Variants in NAV2 observed in about 807,000 individuals in gnomAD.
NAV2 encodes the protein helicase, APC down-regulated 1.
In NAV2, 54 loss-of-function variants were observed where a neutral mutation model predicts 223.2. The observed-to-expected ratio is 0.24, with a 90% CI of 0.19 to 0.30. The LOEUF is 0.30. Ranked by LOEUF, NAV2 falls within the 10% of genes least tolerant of loss-of-function variation. NAV2 has a pLI of 1.00. For synonymous variants in NAV2, 1,279 were observed against 1,239.3 expected (o/e 1.03, Z -0.67); for missense variants, 2,806 against 3,147.5 (o/e 0.89, Z 2.60).
chr11:20,045,515 A>G lies in NAV2; in HGVS notation c.3747A>G (p.Thr1249=). 6.2e-7 allele frequency: 1 copy of G among 1,614,188 alleles called. No individual in the cohort carries two copies. Among genetic ancestry groups the G allele is most frequent in the Non-Finnish European group, 8.5e-7 (1 of 1,180,022 alleles). Residue 1249 remains threonine (T), a synonymous_variant, in exon 14 of 38, where the codon ACA becomes ACG. Transcript: ENST00000349880. The stretch of plus-strand genomic sequence containing the variant: ...CTCTACCAGGTCTGGTCAACCAAAC[A>G]GACAAGGAGAAAGGCATCTCATCAG... ...GSSLPGLVNQ[T]DKEKGISSDN...
At chr11:19,420,426 G>A (rs1014536582) in intron 1 of NAV2, among the ~76,000 whole-genome samples, 14 of 152,076 alleles carry the variant, frequency 9.2e-5, no homozygotes, top group African/African-American at 2.9e-4. Flanking sequence ...TCCATTCCTA[G>A]GTACACACCC....
chr11:19,412,227 G>A (rs1395586473), intron 1 of NAV2, among the ~76,000 whole-genome samples: 3 of 152,226 alleles, frequency 2.0e-5, no homozygotes, highest in Admixed American at 1.3e-4. Context: ...GGATGCTCAA[G>A]CTTGGTGGGG....
At chr11:19,834,265 C>T (rs1047448961) in intron 2 of NAV2, among the ~76,000 whole-genome samples, 1 of 152,180 alleles carries the variant, frequency 6.6e-6, no homozygotes, top group Non-Finnish European at 1.5e-5. Context: ...AGGTGGTATT[C>T]TCTCCATTTT....
chr11:20,082,862 T>C (rs1404144284), intron 25 of NAV2, 145 bp from the exon 26 acceptor site: 4 of 816,338 alleles, frequency 4.9e-6, no homozygotes, highest in Non-Finnish European at 5.7e-6. Flanking sequence ...AATGCACTGA[T>C]TCAAAAGAGC....
At chr11:19,704,049 T>G (rs558806842) in intron 1 of NAV2, among the ~76,000 whole-genome samples, 14 of 152,130 alleles carry the variant, frequency 9.2e-5, no homozygotes, top group Non-Finnish European at 1.9e-4. Context: ...TAGGTATCTT[T>G]TCCTTTAACA....
intron 37 of NAV2, among the ~76,000 whole-genome samples, chr11:20,115,309 T>C (rs1383095175): frequency 6.6e-6 from 1 of 152,090 alleles, no homozygotes; most frequent in African/African-American, 2.4e-5. Context: ...AAGCTTCTTA[T>C]TTATTCGGCT....
At chr11:19,440,301 GGGT>G (rs1851354132) in intron 1 of NAV2, among the ~76,000 whole-genome samples, 1 of 152,140 alleles carries the variant, frequency 6.6e-6, no homozygotes, top group South Asian at 2.1e-4. Flanking sequence ...GGTCTAGTGA[GGGT>G]GGTGGTGGTG....
intron 7 of NAV2, among the ~76,000 whole-genome samples, chr11:19,937,438 G>A (rs2046006901): frequency 6.7e-6 from 1 of 150,080 alleles, no homozygotes. Flanking sequence ...AAATCACTCA[G>A]AATGAATTAT....
chr11:19,855,466 T>A (rs2061363083), intron 3 of NAV2, among the ~76,000 whole-genome samples: 1 of 152,152 alleles, frequency 6.6e-6, no homozygotes, highest in South Asian at 2.1e-4. Context: ...TTGAGATGAG[T>A]TGACTTTTCC....
chr11:20,097,670 A>G lies in NAV2; in HGVS notation c.6106A>G (p.Thr2036Ala), dbSNP rs761249843. ...CATTGGAGAAATCAAGCGCAGCAAC[A>G]CTTCCGAAACACCGGAGCTGCTTCC... ...YSIGEIKRSN[T>A]SETPELLPCG... is the part of the protein sequence containing the mutation. The change falls in exon 31 of 38, where the codon ACT becomes GCT. Residue 2036 changes from threonine to alanine, a missense_variant. Thr to Ala is a moderately conservative substitution (Grantham distance 58). Around this residue, in one of 4 missense-constraint regions of NAV2, gnomAD observed 824 missense variants for 1,069.4 expected, o/e 0.77. Transcript: ENST00000349880. The G allele has an allele frequency of 4.8e-5, 78 of 1,613,486 alleles. 3 individuals carry two copies. The South Asian group carries it at 8.1e-4, about 17-fold the overall frequency.
chr11:19,665,729 A>G (rs1179228359), intron 1 of NAV2, among the ~76,000 whole-genome samples: 1 of 152,200 alleles, frequency 6.6e-6, no homozygotes, highest in Non-Finnish European at 1.5e-5. Context: ...GGAAGAGCAG[A>G]AAAGCATGAT....
In NAV2 at chr11:20,095,772, G is replaced by A; in HGVS notation, c.6012+5G>A. The A allele has an allele frequency of 6.2e-7, 1 of 1,611,646 alleles. No individual in the cohort carries two copies. Among genetic ancestry groups the A allele is most frequent in the Non-Finnish European group, 8.5e-7 (1 of 1,177,712 alleles). ...GTGGTTAGACGGCTGTTCAAAGTAA[G>A]TGTTTCAAGACAACGGCTACAGCAT... On this transcript the variant is annotated splice_donor_5th_base_variant and intron_variant, in intron 30 of 37. Coordinates refer to ENST00000349880, the MANE Select transcript of NAV2 (RefSeq NM_145117.5).
chr11:20,026,859 A>G (rs2584837), intron 11 of NAV2, among the ~76,000 whole-genome samples: 88,801 of 152,114 alleles, frequency 0.58, 27,531 homozygotes, highest in Admixed American at 0.7. Context: ...TAGTGTTAAT[A>G]TTTATCTAAC....
chr11:20,108,146 C>T (rs1418224146), intron 36 of NAV2, among the ~76,000 whole-genome samples: 1 of 152,252 alleles, frequency 6.6e-6, no homozygotes, highest in Non-Finnish European at 1.5e-5. Context: ...ATTCTCCTAT[C>T]TGCCTTTTGG....
intron 1 of NAV2, among the ~76,000 whole-genome samples, chr11:19,772,174 C>A (rs2055768797): frequency 6.6e-6 from 1 of 152,114 alleles, no homozygotes; most frequent in African/African-American, 2.4e-5. Flanking sequence ...TCTCTGGGTA[C>A]CCCCAGAGAA....
intron 1 of NAV2, among the ~76,000 whole-genome samples, chr11:19,393,619 G>A (rs2702663): frequency 0.94 from 142,683 of 152,314 alleles, 67,512 homozygotes; most frequent in East Asian, 1. Context: ...ATTTTGCAAC[G>A]GAAATCGTAT....
Position 19,368,531 on chromosome 11 carries a change from T to C in NAV2, c.75+17504T>C, listed in dbSNP as rs142495199. On this transcript the variant is annotated intron_variant, in intron 1 of 37. Transcript: ENST00000360655. Reference sequence around the variant, plus strand: ...AGCCTCAGTTTTCTCATCTGTATGATGAGGCTAGTAATCCCAGCCCTTTAT... The same window carrying C: ...AGCCTCAGTTTTCTCATCTGTATGACGAGGCTAGTAATCCCAGCCCTTTAT... Among the ~76,000 whole-genome samples the C allele has an allele frequency of 1.8e-3, 270 of 152,324 alleles. No individual in the cohort carries two copies. In the Middle Eastern group the frequency reaches 0.034, roughly 19 times the overall value.
At chr11:19,440,939 C>G (rs1479877638) in intron 1 of NAV2, among the ~76,000 whole-genome samples, 1 of 152,198 alleles carries the variant, frequency 6.6e-6, no homozygotes, top group Non-Finnish European at 1.5e-5. Flanking sequence ...TGCAGTTTGA[C>G]CTTGCTGTCA....
chr11:19,757,037 G>A (rs2054292269), intron 1 of NAV2, among the ~76,000 whole-genome samples: 1 of 129,988 alleles, frequency 7.7e-6, no homozygotes, highest in Non-Finnish European at 1.7e-5. Flanking sequence ...TGATCCACGG[G>A]GAAGACCCTG....
Sources: gnomAD v4.1 joint callset for allele counts (sites outside exome capture counted in the v4.1 genomes callset) on GRCh38, gnomAD v4.1.1 for gene constraint, gnomAD v4.1.1 regional missense constraint, MANE v1.5 for transcripts, NCBI Gene and HGNC (gene_info 2026-07-23, HGNC 2026-07-21) for gene names.